HS6ST3: variants seen among roughly 807,000 people sequenced by gnomAD.
HS6ST3 encodes heparan sulfate 6-O-sulfotransferase 3.
A neutral mutation model predicts 36.7 loss-of-function variants in HS6ST3; 12 were observed. That is an observed-to-expected ratio of 0.33 (90% CI 0.21 to 0.53). The LOEUF is 0.53. Ranked by LOEUF, HS6ST3 falls within the 20% of genes least tolerant of loss-of-function variation. HS6ST3 has a pLI of 0.95. For missense variants in HS6ST3, 584 were observed against 640.9 expected (o/e 0.91, Z 0.96); for synonymous variants, 240 against 257.5 (o/e 0.93, Z 0.65).
intron 1 of HS6ST3, among the ~76,000 whole-genome samples, chr13:96,537,262 T>A (rs1037159241): frequency 6.6e-6 from 1 of 152,138 alleles, no homozygotes; most frequent in African/African-American, 2.4e-5. Flanking sequence ...CTTGTGAGAC[T>A]TAACTACCAC....
At chr13:96,315,389 T>C (rs2054963349) in intron 1 of HS6ST3, among the ~76,000 whole-genome samples, 1 of 152,214 alleles carries the variant, frequency 6.6e-6, no homozygotes, top group South Asian at 2.1e-4. Context: ...TTTAAGCTGA[T>C]AACTAGGGAT....
At chr13:96,375,851 A>G (rs1311814153) in intron 1 of HS6ST3, among the ~76,000 whole-genome samples, 3 of 152,242 alleles carry the variant, frequency 2.0e-5, no homozygotes, top group Non-Finnish European at 4.4e-5. Context: ...CTAGCATTTC[A>G]TTAGACCCTG....
intron 1 of HS6ST3, among the ~76,000 whole-genome samples, chr13:96,145,864 C>G (rs1047371209): frequency 1.3e-5 from 2 of 152,146 alleles, no homozygotes; most frequent in African/African-American, 4.8e-5. Context: ...TTTCAGCTTT[C>G]TACATATGGC....
chr13:96,184,137 G>T (rs186413111), intron 1 of HS6ST3, among the ~76,000 whole-genome samples: 1 of 148,554 alleles, frequency 6.7e-6, no homozygotes, highest in African/African-American at 2.5e-5. Flanking sequence ...GCAGGGGGAG[G>T]TTGCAATGAG....
intron 1 of HS6ST3, among the ~76,000 whole-genome samples, chr13:96,295,769 G>C (rs921326542): frequency 3.3e-5 from 5 of 152,122 alleles, no homozygotes; most frequent in Non-Finnish European, 7.4e-5. Context: ...TAACAAGGAT[G>C]TCTGATGTTA....
intron 1 of HS6ST3, among the ~76,000 whole-genome samples, chr13:96,378,764 C>A (rs1311110360): frequency 6.6e-6 from 1 of 152,082 alleles, no homozygotes; most frequent in East Asian, 1.9e-4. Flanking sequence ...TGTTCATTTA[C>A]CCAGCTGTGC....
At chr13:96,722,983 AT>A (rs1358052438) in intron 1 of HS6ST3, among the ~76,000 whole-genome samples, 4 of 137,798 alleles carry the variant, frequency 2.9e-5, no homozygotes, top group African/African-American at 1.2e-4. Context: ...TCTCAAAAAA[AT>A]ATACGTGTGT....
chr13:96,548,811 G>A (rs1026611794), intron 1 of HS6ST3, among the ~76,000 whole-genome samples: 1 of 152,192 alleles, frequency 6.6e-6, no homozygotes, highest in Non-Finnish European at 1.5e-5. Flanking sequence ...CTTTTGTTCT[G>A]TGTAGACTTT....
chr13:96,313,033 T>C (rs1488485052), intron 1 of HS6ST3, among the ~76,000 whole-genome samples: 16 of 151,934 alleles, frequency 1.1e-4, no homozygotes, highest in Admixed American at 9.8e-4. Flanking sequence ...AGTTATCCTC[T>C]TTTTCAGTAA....
chr13:96,193,161 A>G (rs1408243557), intron 1 of HS6ST3, among the ~76,000 whole-genome samples: 2 of 152,140 alleles, frequency 1.3e-5, no homozygotes, highest in Non-Finnish European at 2.9e-5. Flanking sequence ...AAGCTCAGAG[A>G]TCTCTTTGCT....
At chr13:96,686,541 G>T (rs1272252708) in intron 1 of HS6ST3, among the ~76,000 whole-genome samples, 2 of 151,998 alleles carry the variant, frequency 1.3e-5, no homozygotes, top group Non-Finnish European at 2.9e-5. Context: ...GTTGTTGTTT[G>T]ATTTTAGTAC....
chr13:96,170,768 A>G (rs924667435), intron 1 of HS6ST3, among the ~76,000 whole-genome samples: 1 of 152,234 alleles, frequency 6.6e-6, no homozygotes, highest in African/African-American at 2.4e-5. Context: ...TAGAAATGCT[A>G]TTGGGTTGTG....
chr13:96,605,867 T>C (rs1212958911), intron 1 of HS6ST3, among the ~76,000 whole-genome samples: 1 of 135,624 alleles, frequency 7.4e-6, no homozygotes, highest in Non-Finnish European at 1.5e-5. Flanking sequence ...CTGGAATCTG[T>C]AAGGAATTAA....
intron 1 of HS6ST3, among the ~76,000 whole-genome samples, chr13:96,761,707 G>A (rs2138500424): frequency 6.6e-6 from 1 of 152,136 alleles, no homozygotes; most frequent in Admixed American, 6.5e-5. Context: ...ATGTAGTATT[G>A]TTTTGAGAAT....
chr13:96,457,692 G>A (rs2055760957), intron 1 of HS6ST3, among the ~76,000 whole-genome samples: 1 of 152,062 alleles, frequency 6.6e-6, no homozygotes, highest in African/African-American at 2.4e-5. Context: ...TTTGCCCTCT[G>A]CTGAATTTGA....
At chr13:96,620,024 T>C (rs1201901496) in intron 1 of HS6ST3, among the ~76,000 whole-genome samples, 1 of 152,198 alleles carries the variant, frequency 6.6e-6, no homozygotes, top group African/African-American at 2.4e-5. Context: ...CATGCTAAGC[T>C]GACACCTGTG....
At chr13:96,716,650 T>C (rs1338604411) in intron 1 of HS6ST3, among the ~76,000 whole-genome samples, 2 of 152,196 alleles carry the variant, frequency 1.3e-5, no homozygotes, top group Non-Finnish European at 2.9e-5. Flanking sequence ...TCAATCATCA[T>C]CTATCATCTG....
chr13:96,832,764 A>G lies in HS6ST3; in HGVS notation c.982A>G (p.Met328Val), dbSNP rs765198671. The stretch of plus-strand genomic sequence containing the variant: ...GGTGGGCTGCTATAACTTGACTTTC[A>G]TGAACGAGAGTGAAAGAAACACCAT... ...SLVGCYNLTF[M>V]NESERNTILL... The change falls in exon 2 of 2, where the codon ATG (methionine) becomes GTG (valine). Residue 328 changes from methionine (M) to valine (V), a missense_variant. Physicochemically the swap from Met to Val is conservative, Grantham distance 21. Around this residue, in one of 3 missense-constraint regions of HS6ST3, gnomAD observed 360 missense variants for 411.3 expected, o/e 0.88. Transcript: ENST00000376705. 6.2e-7 allele frequency: 1 copy of G among 1,614,158 alleles called. No homozygotes were observed.
intron 1 of HS6ST3, among the ~76,000 whole-genome samples, chr13:96,664,549 C>A (rs1346309419): frequency 6.6e-6 from 1 of 152,132 alleles, no homozygotes; most frequent in East Asian, 1.9e-4. Context: ...CTACCTTCTC[C>A]AATACTCTAC....
Sources: allele counts gnomAD v4.1 joint callset (sites outside exome capture counted in the v4.1 genomes callset), GRCh38; gene constraint gnomAD v4.1.1; regional missense constraint gnomAD v4.1.1; transcripts MANE v1.5; gene names NCBI Gene and HGNC (gene_info 2026-07-23, HGNC 2026-07-21).